The following RBM19 variants were observed in gnomAD, a reference collection of about 807,000 sequenced individuals.
The protein encoded by RBM19 is RNA binding motif protein 19.
A neutral mutation model predicts 116.8 loss-of-function variants in RBM19; 94 were observed. The observed-to-expected ratio is 0.80, with a 90% CI of 0.68 to 0.95. RBM19 has a LOEUF of 0.95. RBM19 is among the 40% of genes least tolerant of loss of function. RBM19 has a pLI of 0.00. For missense variants in RBM19, 1,161 were observed against 1,220.7 expected, an observed-to-expected ratio of 0.95 and a Z score of 0.73; for synonymous variants, 475 against 494.1, an observed-to-expected ratio of 0.96 and a Z score of 0.51.
At chr12:113,877,687 A>G (rs1879770322) in intron 21 of RBM19, among the ~76,000 whole-genome samples, 1 of 152,232 alleles carries the variant, frequency 6.6e-6, no homozygotes, top group African/African-American at 2.4e-5. Flanking sequence ...AGAGAAATGC[A>G]AAAGGACAGT....
Position 113,918,422 on chromosome 12 carries a change from AGCTTGTG to A in RBM19, c.2404_2410del (p.His802TrpfsTer3), listed in dbSNP as rs763286778. 6.2e-7 allele frequency: 1 copy of A among 1,614,200 alleles called. No individual in the cohort carries two copies. Among genetic ancestry groups the A allele is most frequent in the Non-Finnish European group, 8.5e-7 (1 of 1,180,026 alleles). On this transcript the variant is annotated frameshift_variant, in exon 20 of 24. Coordinates refer to ENST00000261741, the MANE Select transcript of RBM19 (RefSeq NM_016196.4). LOFTEE classifies it high-confidence loss of function. ...GGCTCGTTCCGAGATCCTCACTTCC[AGCTTGTG>A]GCCGTCCACGACGTGACCCTAAGAG...
chr12:113,867,861 G>A (rs1878939556), intron 21 of RBM19, among the ~76,000 whole-genome samples: 1 of 152,142 alleles, frequency 6.6e-6, no homozygotes, highest in East Asian at 1.9e-4. Context: ...CCCGGAAGGT[G>A]GAGATTACAG....
At chr12:113,912,150 A>G (rs1882468332) in intron 21 of RBM19, among the ~76,000 whole-genome samples, 1 of 152,180 alleles carries the variant, frequency 6.6e-6, no homozygotes, top group East Asian at 1.9e-4. Context: ...GAAGGGCCCC[A>G]GGCACTGCTG....
At chr12:113,905,105 CT>C (rs1467092091) in intron 21 of RBM19, among the ~76,000 whole-genome samples, 1 of 152,202 alleles carries the variant, frequency 6.6e-6, no homozygotes, top group Non-Finnish European at 1.5e-5. Flanking sequence ...CTTACAAGAT[CT>C]TTTACAAATG....
At chr12:113,962,795 CTT>C (rs1872612329) in intron 1 of RBM19, among the ~76,000 whole-genome samples, 1 of 152,156 alleles carries the variant, frequency 6.6e-6, no homozygotes, top group Non-Finnish European at 1.5e-5. Context: ...CTATATATAT[CTT>C]TGTTAATAAA....
intron 1 of RBM19, 22 bp downstream of exon 1, chr12:113,966,170 C>G: frequency 6.2e-7 from 1 of 1,614,210 alleles, no homozygotes; most frequent in Non-Finnish European, 8.5e-7. Flanking sequence ...TTCAGATTCC[C>G]AAGTCCTGCC....
At chr12:113,957,627 G>A (rs761495549) in intron 6 of RBM19, among the ~76,000 whole-genome samples, 155 bp downstream of exon 6, 2 of 152,076 alleles carry the variant, frequency 1.3e-5, no homozygotes, top group Non-Finnish European at 2.9e-5. Context: ...AAGAACACAC[G>A]GCGAGCAAGC....
chr12:113,963,135 C>A (rs550063789), intron 1 of RBM19, among the ~76,000 whole-genome samples: 130 of 152,324 alleles, frequency 8.5e-4, no homozygotes, highest in Non-Finnish European at 1.4e-3. Flanking sequence ...GACTGCAGCC[C>A]TGCCAAAGCC....
At chr12:113,871,938 G>A (rs1245744350) in intron 21 of RBM19, among the ~76,000 whole-genome samples, 2 of 151,684 alleles carry the variant, frequency 1.3e-5, no homozygotes, top group African/African-American at 2.4e-5. Context: ...GCCTCTGCCC[G>A]GCTGCCACCC....
rs1872369396 is a variant in RBM19 at position 113,960,175 on chromosome 12, C to A, written c.223G>T (p.Glu75Ter). Residue 75 changes from glutamate (E) to a stop codon, truncating the protein, a stop_gained, in exon 3 of 24, where the codon GAG (glutamate) becomes TAG (stop). Coordinates refer to ENST00000261741, the MANE Select transcript of RBM19 (RefSeq NM_016196.4). LOFTEE classifies it high-confidence loss of function. ...SFIDTSRITV[E>*]FCKSFGDPAK... ...GGGTCCCCGAATGACTTGCAGAACT[C>A]CACCTGTGTGGGAAAGAGAGTGATT... 2 of 1,613,288 alleles carry A rather than the reference C, an allele frequency of 1.2e-6. No homozygotes were observed. The highest frequency in any genetic ancestry group is 1.7e-6 in the Non-Finnish European group (2 of 1,180,002).
chr12:113,922,239 C>A (rs1445696491), intron 18 of RBM19, among the ~76,000 whole-genome samples: 2 of 152,172 alleles, frequency 1.3e-5, no homozygotes, highest in Non-Finnish European at 2.9e-5. Flanking sequence ...CTCCCTTAGC[C>A]CAGCCACACG....
chr12:113,942,177 C>T (rs1870631004), intron 14 of RBM19, 147 bp downstream of exon 14: 1 of 732,140 alleles, frequency 1.4e-6, no homozygotes, highest in Non-Finnish European at 2.2e-6. Context: ...GCCCATGTAA[C>T]ATTTCTTCTT....
In RBM19 at chr12:113,872,345, G is replaced by A. The variant is rs1431082567; in HGVS notation, c.2559-13449C>T. Among the ~76,000 whole-genome samples the A allele has an allele frequency of 7.3e-5, 11 of 151,226 alleles. No individual in the cohort carries two copies. The South Asian group carries it at 2.3e-3, about 32-fold the overall frequency. ...TCCGCCCGGCAGCCGCCCCGTCTGA[G>A]AAGTGAGGAGCCTCTCTGCCCGGCA... On this transcript the variant is annotated intron_variant, in intron 21 of 23. Coordinates refer to ENST00000261741, the MANE Select transcript of RBM19 (RefSeq NM_016196.4).
intron 22 of RBM19, among the ~76,000 whole-genome samples, chr12:113,851,880 G>A (rs760544517): frequency 1.3e-5 from 2 of 151,826 alleles, no homozygotes; most frequent in Non-Finnish European, 2.9e-5. Context: ...GAGAAACCCC[G>A]TCTCTACTAA....
intron 21 of RBM19, among the ~76,000 whole-genome samples, chr12:113,872,334 G>A (rs1294193374): frequency 2.7e-5 from 4 of 148,834 alleles, no homozygotes; most frequent in African/African-American, 7.4e-5. Context: ...CCCGGCAGCC[G>A]CCCCGTCTGA....
intron 21 of RBM19, among the ~76,000 whole-genome samples, chr12:113,914,362 C>T (rs1404044604): frequency 2.0e-5 from 3 of 152,228 alleles, no homozygotes; most frequent in South Asian, 2.1e-4. Flanking sequence ...CAGGTGCTGA[C>T]GGACTGCTTT....
chr12:113,818,902 G>A (rs763859779), downstream of RBM19, among the ~76,000 whole-genome samples: 20 of 152,206 alleles, frequency 1.3e-4, no homozygotes, highest in Non-Finnish European at 2.4e-4. Flanking sequence ...GTCTGACTGT[G>A]TGTATCCTAT....
chr12:113,880,840 C>T (rs1880062343), intron 21 of RBM19, among the ~76,000 whole-genome samples: 1 of 152,316 alleles, frequency 6.6e-6, no homozygotes, highest in South Asian at 2.1e-4. Context: ...GCCAAAAACA[C>T]ATCCCCCATG....
At chr12:113,834,928 T>A (rs866952647) in intron 23 of RBM19, among the ~76,000 whole-genome samples, 20 of 152,338 alleles carry the variant, frequency 1.3e-4, no homozygotes, top group African/African-American at 4.3e-4. Context: ...CTGATATCAC[T>A]CTCTGCACAT....
Sources: allele counts gnomAD v4.1 joint callset (sites outside exome capture counted in the v4.1 genomes callset), GRCh38; gene constraint gnomAD v4.1.1; transcripts MANE v1.5; gene names NCBI Gene and HGNC (gene_info 2026-07-23, HGNC 2026-07-21).